AVL9: variants seen among roughly 807,000 people sequenced by gnomAD.
AVL9 encodes AVL9 cell migration associated.
In AVL9, 49 loss-of-function variants were observed where a neutral mutation model predicts 79.2. The observed-to-expected ratio is 0.62, with a 90% confidence interval of 0.49 to 0.79. The LOEUF is 0.79. Ranked by LOEUF, AVL9 falls within the 30% of genes least tolerant of loss-of-function variation. AVL9 has a pLI of 0.00. For synonymous variants in AVL9, 299 were observed against 280.6 expected (o/e 1.07, Z -0.65); for missense variants, 682 against 776.8 (o/e 0.88, Z 1.45).
In AVL9 at chr7:32,554,995, T is replaced by C. The variant is rs1054633936; in HGVS notation, c.609+399T>C. ...GCCGACAGTAATTGGGTTATTTGCT[T>C]CCTCAGTCATAACTGCTGGCAGAAA... On this transcript the variant is annotated intron_variant, in intron 8 of 15. Coordinates refer to ENST00000318709, the MANE Select transcript of AVL9 (RefSeq NM_015060.3). Among the ~76,000 whole-genome samples the C allele has an allele frequency of 3.9e-5, 6 of 152,254 alleles. No individual in the cohort carries two copies. In the South Asian group the frequency reaches 6.2e-4, roughly 16 times the overall value.
At chr7:32,559,785 T>C (rs1245115026) in intron 10 of AVL9, among the ~76,000 whole-genome samples, 2 of 152,176 alleles carry the variant, frequency 1.3e-5, no homozygotes, top group African/African-American at 4.8e-5. Flanking sequence ...ACAGCCTTGA[T>C]TGCACTCAAT....
At chr7:32,522,437 C>T (rs1159203150) in intron 1 of AVL9, among the ~76,000 whole-genome samples, 1 of 152,178 alleles carries the variant, frequency 6.6e-6, no homozygotes, top group Non-Finnish European at 1.5e-5. Context: ...TTGACTGCCC[C>T]ACTGAATTCT....
intron 1 of AVL9, chr7:32,535,718 A>G (rs553358067): frequency 6.6e-6 from 1 of 152,306 alleles, no homozygotes; most frequent in Non-Finnish European, 1.5e-5. Flanking sequence ...ACCCTACTGG[A>G]TGAGAATAAG....
chr7:32,499,721 T>C (rs1787032213), intron 1 of AVL9, among the ~76,000 whole-genome samples: 1 of 152,146 alleles, frequency 6.6e-6, no homozygotes, highest in Non-Finnish European at 1.5e-5. Context: ...GCATTAGGTA[T>C]TTGTCCTAAT....
intron 1 of AVL9, among the ~76,000 whole-genome samples, chr7:32,514,740 C>A (rs1394804895): frequency 6.6e-6 from 1 of 152,176 alleles, no homozygotes; most frequent in Non-Finnish European, 1.5e-5. Context: ...GTGACCCCCA[C>A]TCCTACCCGC....
chr7:32,507,115 T>C (rs1787445904), intron 1 of AVL9, among the ~76,000 whole-genome samples: 1 of 152,184 alleles, frequency 6.6e-6, no homozygotes, highest in African/African-American at 2.4e-5. Flanking sequence ...CCTCTACAGT[T>C]GGCAAATGGG....
chr7:32,557,411 CTTT>C (rs937068142), intron 8 of AVL9, among the ~76,000 whole-genome samples: 4 of 152,076 alleles, frequency 2.6e-5, no homozygotes, highest in African/African-American at 9.7e-5. Context: ...TGCTAGCTCT[CTTT>C]TATTTCAAAA....
At chr7:32,580,172 C>A (rs372075156) in intron 13 of AVL9, 47 bp from the exon 14 acceptor site, 3 of 1,445,546 alleles carry the variant, frequency 2.1e-6, no homozygotes, top group Non-Finnish European at 2.9e-6. Context: ...CTTTTTGCAG[C>A]CTTTTTGGTA....
chr7:32,587,914 T>C lies in AVL9; in HGVS notation c.*4007T>C, dbSNP rs1167339365. 6.6e-6 allele frequency: 1 copy of C among 152,222 alleles called. No individual in the cohort carries two copies. The highest frequency in any genetic ancestry group is 1.5e-5 in the Non-Finnish European group (1 of 68,034). The allele number at this position is 152,222 out of a possible 1,614,324, so 9.4% of individuals were successfully genotyped here. ...ATATGAATGACTTTGTACACATGAC[T>C]TCCTGCTTTCATTATGAAGGAGGGG... is the stretch of plus-strand genomic sequence containing the variant. On this transcript the variant is annotated 3_prime_UTR_variant, in exon 16 of 16. Coordinates refer to ENST00000318709, the MANE Select transcript of AVL9 (RefSeq NM_015060.3).
chr7:32,556,660 T>A (rs1382851815), intron 8 of AVL9, among the ~76,000 whole-genome samples: 1 of 152,174 alleles, frequency 6.6e-6, no homozygotes, highest in Admixed American at 6.5e-5. Context: ...AAAATACACA[T>A]AACATACAAT....
intron 1 of AVL9, among the ~76,000 whole-genome samples, chr7:32,503,283 C>G (rs1787224850): frequency 6.7e-6 from 1 of 149,116 alleles, no homozygotes; most frequent in African/African-American, 2.5e-5. Context: ...CGAGCCCAGC[C>G]TGGCCAACAT....
intron 10 of AVL9, among the ~76,000 whole-genome samples, chr7:32,560,456 A>G (rs1224757791): frequency 6.6e-6 from 1 of 152,132 alleles, no homozygotes; most frequent in Non-Finnish European, 1.5e-5. Flanking sequence ...CTCCTTATTC[A>G]TCCCTAAGAA....
Position 32,498,588 on chromosome 7 carries a change from A to G in AVL9, c.93+2786A>G, listed in dbSNP as rs186143482. Among the ~76,000 whole-genome samples the G allele has an allele frequency of 9.9e-5, 15 of 151,550 alleles. No homozygotes were observed. The East Asian group carries it at 2.7e-3, about 28-fold the overall frequency. ...TTCATTTGAATTTAAATGAACATCT[A>G]TTAACTTTATCACTTGATCTTTTTT... On this transcript the variant is annotated intron_variant, in intron 1 of 15. Transcript: ENST00000318709.
At chr7:32,536,639 ACT>A (rs775251422) in intron 1 of AVL9, 2 of 152,128 alleles carry the variant, frequency 1.3e-5, no homozygotes, top group Admixed American at 6.5e-5. Flanking sequence ...TTAACATCAA[ACT>A]CTGTAAGGGC....
intron 10 of AVL9, among the ~76,000 whole-genome samples, chr7:32,564,865 TTA>T (rs1387940907): frequency 6.6e-6 from 1 of 151,972 alleles, no homozygotes; most frequent in Admixed American, 6.6e-5. Context: ...AGTACGAAAA[TTA>T]GAGGATGATT....
intron 1 of AVL9, among the ~76,000 whole-genome samples, chr7:32,523,150 CAAAAAAAAA>C (rs59565422): frequency 2.5e-5 from 2 of 81,282 alleles, no homozygotes; most frequent in African/African-American, 4.7e-5. Flanking sequence ...GGTAATTAAC[CAAAAAAAAA>C]AAAAAAAAAA....
chr7:32,532,418 T>G (rs964832316), intron 1 of AVL9: 4 of 152,186 alleles, frequency 2.6e-5, no homozygotes, highest in African/African-American at 9.7e-5. Context: ...CAAGGTGGTG[T>G]TTTATTGGGG....
chr7:32,501,713 G>A (rs975538949), intron 1 of AVL9, among the ~76,000 whole-genome samples: 1 of 152,164 alleles, frequency 6.6e-6, no homozygotes, highest in Non-Finnish European at 1.5e-5. Flanking sequence ...GCAAGAATGT[G>A]CCTAATTTCT....
intron 3 of AVL9, among the ~76,000 whole-genome samples, chr7:32,547,622 TTAGAG>T (rs1405233416): frequency 6.6e-6 from 1 of 152,166 alleles, no homozygotes; most frequent in Non-Finnish European, 1.5e-5. Context: ...CAGGAGTACA[TTAGAG>T]TTGCCCATTT....
Sources: allele counts gnomAD v4.1 joint callset (sites outside exome capture counted in the v4.1 genomes callset), GRCh38; gene constraint gnomAD v4.1.1; transcripts MANE v1.5; gene names NCBI Gene and HGNC (gene_info 2026-07-23, HGNC 2026-07-21).